Variants in ZNF534 observed in about 807,000 individuals in gnomAD.
ZNF534 encodes zinc finger protein 534.
Under a neutral mutation model 13.6 loss-of-function variants are expected in ZNF534, and 19 were observed. The observed-to-expected ratio is 1.40, with a 90% CI of 0.97 to 2.05. The LOEUF is 2.05. Ranked by LOEUF, ZNF534 falls within the 30% of genes most tolerant of loss-of-function variation. The pLI, the probability that ZNF534 is intolerant of heterozygous loss-of-function variation, is 0.00. For missense variants in ZNF534, 782 were observed against 796.3 expected (o/e 0.98, Z 0.22); for synonymous variants, 244 against 273.8 (o/e 0.89, Z 1.07).
In ZNF534 at chr19:52,438,516, AC is replaced by A. The variant is rs2059145983; in HGVS notation, c.1058del (p.Pro353HisfsTer78). 3.2e-6 allele frequency: 5 copies of A among 1,585,596 alleles called. No individual in the cohort carries two copies. Among genetic ancestry groups the A allele is most frequent in the Non-Finnish European group, 4.3e-6 (5 of 1,165,480 alleles). On this transcript the variant is annotated frameshift_variant, in exon 5 of 5. Coordinates refer to ENST00000433050, the MANE Select transcript of ZNF534 (RefSeq NM_001143938.3). LOFTEE classifies it low-confidence loss of function (END_TRUNC). ...ATCAGACAGTTCATACTGGAGAGAG[AC>A]CATACAAATGTAATGAATGTGGCAA... ...THQTVHTGER[P>X]YKCNECGKGF...
chr19:52,446,314 A>G (rs1426018599), downstream of ZNF534, among the ~76,000 whole-genome samples: 2 of 152,126 alleles, frequency 1.3e-5, no homozygotes, highest in Non-Finnish European at 2.9e-5. Flanking sequence ...TATTCCCACC[A>G]GAGGATATTA....
chr19:52,450,946 A>G (rs1264185794), intron 4 of ZNF534, among the ~76,000 whole-genome samples: 1 of 152,024 alleles, frequency 6.6e-6, no homozygotes, highest in African/African-American at 2.4e-5. Context: ...TTGGCCTCCC[A>G]AAGTGCTGGA....
In ZNF534 at chr19:52,438,956, G is replaced by T. The variant is rs769731417; in HGVS notation, c.1496G>T (p.Cys499Phe). ...TGEKLYKCNE[C>F]GKVFRQNSHL... The stretch of plus-strand genomic sequence containing the variant: ...GAGAAGCTTTACAAATGTAATGAAT[G>T]TGGCAAGGTCTTCCGTCAGAATTCA... The change falls in exon 5 of 5, where the codon TGT (cysteine) becomes TTT (phenylalanine). Residue 499 changes from cysteine (C) to phenylalanine (F), a missense_variant. Physicochemically the swap from Cys to Phe is radical, Grantham distance 205. Around this residue, in one of 5 missense-constraint regions of ZNF534, gnomAD observed 591 missense variants for 574.0 expected, o/e 1.03. Coordinates refer to ENST00000433050, the MANE Select transcript of ZNF534 (RefSeq NM_001143938.3). The T allele has an allele frequency of 6.2e-7, 1 of 1,605,064 alleles. No homozygotes were observed. Among genetic ancestry groups the T allele is most frequent in the Non-Finnish European group, 8.5e-7 (1 of 1,175,122 alleles).
At position 52,437,756 on chromosome 19, in the gene ZNF534, G is replaced by T. The variant is rs2059137445; in HGVS notation, c.296G>T (p.Ser99Ile). 1 of 1,588,948 alleles carries T rather than the reference G, an allele frequency of 6.3e-7. No individual in the cohort carries two copies. Among genetic ancestry groups the T allele is most frequent in the Non-Finnish European group, 8.6e-7 (1 of 1,167,210 alleles). The change falls in exon 5 of 5, where the codon AGT (serine) becomes ATT (isoleucine). Residue 99 changes from serine (S) to isoleucine (I), a missense_variant. Ser to Ile is a moderately radical substitution (Grantham distance 142). Around this residue, in one of 5 missense-constraint regions of ZNF534, gnomAD observed 30 missense variants for 55.4 expected, o/e 0.54. Coordinates refer to ENST00000433050, the MANE Select transcript of ZNF534 (RefSeq NM_001143938.3). ...NTEKSSKLGS[S>I]AGNKSLKNQH... Reference sequence around the variant, plus strand: ...GAGAAGAGTTCTAAATTGGGAAGCAGTGCAGGAAACAAGTCACTTAAAAAT... The same window carrying T: ...GAGAAGAGTTCTAAATTGGGAAGCATTGCAGGAAACAAGTCACTTAAAAAT...
Position 52,438,658 on chromosome 19 carries a change from CAT to C in ZNF534, c.1200_1201del (p.His400GlnfsTer13), listed in dbSNP as rs780644789. On this transcript the variant is annotated frameshift_variant, in exon 5 of 5. Coordinates refer to ENST00000433050, the MANE Select transcript of ZNF534 (RefSeq NM_001143938.3). LOFTEE classifies it low-confidence loss of function (END_TRUNC). ...VFIGNSRLAR[H>X]RKIHTGGRRY... ...TATTGGCAATTCACGCCTTGCACGACATAGGAAAATTCATACTGGGGGGAGGC... is the reference window on the plus strand; with the variant it reads ...TATTGGCAATTCACGCCTTGCACGACAGGAAAATTCATACTGGGGGGAGGC... The C allele has an allele frequency of 4.7e-5, 75 of 1,583,356 alleles. No homozygotes were observed. Among genetic ancestry groups the C allele is most frequent in the Non-Finnish European group, 6.4e-5 (74 of 1,163,794 alleles).
intron 4 of ZNF534, 138 bp from the exon 5 acceptor site, chr19:52,437,594 G>A (rs2059136263): frequency 3.6e-6 from 3 of 833,444 alleles, no homozygotes; most frequent in East Asian, 2.7e-5. Context: ...GGGTGACAAT[G>A]TGAGACTCCA....
rs777624514 is a variant in ZNF534, at chr19:52,434,030, G to A, written c.91G>A (p.Ala31Thr). The A allele has an allele frequency of 1.2e-6, 2 of 1,614,152 alleles. No individual in the cohort carries two copies. The highest frequency in any genetic ancestry group is 2.2e-5 in the East Asian group (1 of 44,870). The change falls in exon 3 of 5, where the codon GCT becomes ACT. Residue 31 changes from alanine (A) to threonine (T), a missense_variant. By Grantham distance (58) the Ala-to-Thr change is moderately conservative. Around this residue, in one of 5 missense-constraint regions of ZNF534, gnomAD observed 81 missense variants for 63.5 expected, o/e 1.28. Transcript: ENST00000433050. ...GAAATGCCTGGACCCTGGGCAGAAA[G>A]CTTTATACAGGGACGTGATGTTAGA... Reference protein sequence around the residue: ...EWKCLDPGQKALYRDVMLENY... With the variant: ...EWKCLDPGQKTLYRDVMLENY...
At chr19:52,451,418 C>A in exon 5 of ZNF534, 1 of 728,114 alleles carries the variant, frequency 1.4e-6, no homozygotes, top group Non-Finnish European at 2.4e-6. Flanking sequence ...GGGCCCGCCC[C>A]TCGGCCGCGC....
rs2059159296 is a variant in ZNF534, at chr19:52,439,689, G to A, written c.*243G>A. Among the ~76,000 whole-genome samples, 1 of 151,762 alleles carries A rather than the reference G, an allele frequency of 6.6e-6. No individual in the cohort carries two copies. Among genetic ancestry groups the A allele is most frequent in the African/African-American group, 2.4e-5 (1 of 41,230 alleles). Reference sequence around the variant, plus strand: ...CAGGAGGATGGCATGAACCTGGGAGGCAGAGCCTCCAGTGAGCCGAGTGAG... The same window carrying A: ...CAGGAGGATGGCATGAACCTGGGAGACAGAGCCTCCAGTGAGCCGAGTGAG... On this transcript the variant is annotated 3_prime_UTR_variant, in exon 5 of 5. Coordinates refer to ENST00000433050, the MANE Select transcript of ZNF534 (RefSeq NM_001143938.3).
At chr19:52,433,899 T>G in intron 2 of ZNF534, 56 bp from the exon 3 acceptor site, 1 of 1,604,614 alleles carries the variant, frequency 6.2e-7, no homozygotes, top group African/African-American at 1.3e-5. Context: ...TCTCATTCTG[T>G]TTGAAGATAA....
chr19:52,450,067 C>T (rs1362716470), intron 4 of ZNF534, among the ~76,000 whole-genome samples: 1 of 152,154 alleles, frequency 6.6e-6, no homozygotes, highest in Non-Finnish European at 1.5e-5. Context: ...ATATATTCAA[C>T]TTATTAATTC....
intron 2 of ZNF534, among the ~76,000 whole-genome samples, chr19:52,432,617 TTTTA>T (rs896301029): frequency 6.6e-6 from 1 of 152,130 alleles, no homozygotes; most frequent in Admixed American, 6.5e-5. Context: ...TTTCACCATT[TTTTA>T]TTTATTTTAT....
chr19:52,432,078 A>G (rs895083599), intron 2 of ZNF534, among the ~76,000 whole-genome samples: 1 of 151,778 alleles, frequency 6.6e-6, no homozygotes, highest in African/African-American at 2.4e-5. Flanking sequence ...TATTTTTATC[A>G]GTTGAAATTA....
rs1417167331 is a variant in ZNF534 at position 52,435,933 on chromosome 19, CTTCTTCTTTT to C, written c.271+727_271+736del. The stretch of plus-strand genomic sequence containing the variant: ...CATTGATGTTTTTCTTATTTTTCTT[CTTCTTCTTTT>C]TTTTTTTTTTTTTGAGACCGTCTCA... On this transcript the variant is annotated intron_variant, in intron 4 of 4. Coordinates refer to ENST00000433050, the MANE Select transcript of ZNF534 (RefSeq NM_001143938.3). Among the ~76,000 whole-genome samples, 132 of 17,552 alleles carry C rather than the reference CTTCTTCTTTT, an allele frequency of 7.5e-3. 16 individuals carry two copies. Among genetic ancestry groups the C allele is most frequent in the Admixed American group, 8.4e-3 (7 of 830 alleles). 11.5% of individuals were successfully genotyped at this position (17,552 alleles called of 152,430 possible).
At chr19:52,437,261 C>A (rs1476447776) in intron 4 of ZNF534, among the ~76,000 whole-genome samples, 3 of 152,122 alleles carry the variant, frequency 2.0e-5, no homozygotes, top group Non-Finnish European at 4.4e-5. Flanking sequence ...CTGCAGATTC[C>A]AGATTCTTCA....
Position 52,439,365 on chromosome 19 carries a change from T to C in ZNF534, c.1905T>C (p.Ser635=). 6.4e-7 allele frequency: 1 copy of C among 1,552,188 alleles called. No homozygotes were observed. Among genetic ancestry groups the C allele is most frequent in the Non-Finnish European group, 8.7e-7 (1 of 1,147,202 alleles). Residue 635 remains serine, a synonymous_variant, in exon 5 of 5, where the codon AGT becomes AGC. Coordinates refer to ENST00000433050, the MANE Select transcript of ZNF534 (RefSeq NM_001143938.3). The stretch of plus-strand genomic sequence containing the variant: ...TTCATACTGGAGTGAAGCCTTACAG[T>C]TGTAATGAATGTGGCAAGGTCTTTA... The part of the protein sequence containing the change: ...RNIHTGVKPY[S]CNECGKVFSK...
intron 4 of ZNF534, among the ~76,000 whole-genome samples, chr19:52,449,021 T>C (rs1050366928): frequency 2.6e-5 from 4 of 152,272 alleles, no homozygotes; most frequent in African/African-American, 7.2e-5. Context: ...ACCTCCCCAC[T>C]CTCTGGTAAT....
downstream of ZNF534, among the ~76,000 whole-genome samples, chr19:52,442,552 C>T (rs556924776): frequency 1.2e-3 from 186 of 152,328 alleles, 1 homozygote; most frequent in African/African-American, 3.4e-3. Flanking sequence ...CCACTCCACA[C>T]TATATTTCTG....
Position 52,438,496 on chromosome 19 carries a change from A to C in ZNF534, c.1036A>C (p.Thr346Pro). The change falls in exon 5 of 5, where the codon ACA becomes CCA. Residue 346 changes from threonine to proline, a missense_variant. Transcript: ENST00000433050. ...TAAGTCTTCCCTAACCACTCATCAG[A>C]CAGTTCATACTGGAGAGAGACCATA... ...RHKSSLTTHQ[T>P]VHTGERPYKC... 6.3e-7 allele frequency: 1 copy of C among 1,592,606 alleles called. No individual in the cohort carries two copies. The highest frequency in any genetic ancestry group is 8.6e-7 in the Non-Finnish European group (1 of 1,168,648).
Sources: allele counts gnomAD v4.1 joint callset (sites outside exome capture counted in the v4.1 genomes callset), GRCh38; gene constraint gnomAD v4.1.1; regional missense constraint gnomAD v4.1.1; transcripts MANE v1.5; gene names NCBI Gene and HGNC (gene_info 2026-07-23, HGNC 2026-07-21).